GFPT2: variants seen among roughly 807,000 people sequenced by gnomAD.
The protein encoded by GFPT2 is glutamine--fructose-6-phosphate aminotransferase [isomerizing] 2.
Under a neutral mutation model 85.6 loss-of-function variants are expected in GFPT2, and 62 were observed. That is an observed-to-expected ratio of 0.72 (90% CI 0.59 to 0.90). The LOEUF (loss-of-function observed/expected upper bound fraction) is 0.90. Ranked by LOEUF, GFPT2 falls within the 40% of genes least tolerant of loss-of-function variation. GFPT2 has a pLI of 0.00. For missense variants in GFPT2, 788 were observed against 893.4 expected (o/e 0.88, Z 1.50); for synonymous variants, 368 against 344.5 (o/e 1.07, Z -0.75).
Position 180,313,806 on chromosome 5 carries a change from C to T in GFPT2, c.1431+1G>A, listed in dbSNP as rs1763947676. 3.2e-6 allele frequency: 5 copies of T among 1,550,908 alleles called. No homozygotes were observed. The South Asian group carries it at 5.9e-5, about 18-fold the overall frequency. On this transcript the variant is annotated splice_donor_variant, in intron 14 of 18. Coordinates refer to ENST00000253778, the MANE Select transcript of GFPT2 (RefSeq NM_005110.4). LOFTEE classifies it high-confidence loss of function. Reference sequence around the variant, plus strand: ...GGACGGGCGCCCGTGGCTCCTCCTACCTTGGTGCTGGCCACGCCGATCTCC... The same window carrying T: ...GGACGGGCGCCCGTGGCTCCTCCTATCTTGGTGCTGGCCACGCCGATCTCC...
In GFPT2 at chr5:180,336,101, C is replaced by A. The variant is rs562950982; in HGVS notation, c.215-148G>T. ...TCCCACCCTGGGAGTCCGCGCAGGC[C>A]CACAAACCACCCGTGCTGAAGGTTA... On this transcript the variant is annotated intron_variant, in intron 3 of 18. Transcript: ENST00000253778. 55 of 651,592 alleles carry A rather than the reference C, an allele frequency of 8.4e-5. No individual in the cohort carries two copies. The East Asian group carries it at 1.5e-3, about 18-fold the overall frequency. 40.4% of individuals were successfully genotyped at this position (651,592 alleles called of 1,614,324 possible).
At chr5:180,312,243 G>T (rs992188648) in intron 15 of GFPT2, among the ~76,000 whole-genome samples, 187 bp downstream of exon 15, 2 of 150,268 alleles carry the variant, frequency 1.3e-5, no homozygotes, top group Non-Finnish European at 3.0e-5. Context: ...GGCAGCGCAG[G>T]GGGAGGTGGG....
At chr5:180,309,336 C>CTGT (rs1457722249) in intron 15 of GFPT2, among the ~76,000 whole-genome samples, 3 of 152,212 alleles carry the variant, frequency 2.0e-5, no homozygotes, top group Admixed American at 6.5e-5. Flanking sequence ...GAGAAAATGT[C>CTGT]TAACAAACAC....
In GFPT2 at chr5:180,316,870, C is replaced by T; in HGVS notation, c.1055-9G>A. 1 of 1,608,142 alleles carries T rather than the reference C, an allele frequency of 6.2e-7. No homozygotes were observed. The highest frequency in any genetic ancestry group is 2.2e-5 in the East Asian group (1 of 44,836). On this transcript the variant is annotated splice_polypyrimidine_tract_variant and intron_variant, in intron 11 of 18. Coordinates refer to ENST00000253778, the MANE Select transcript of GFPT2 (RefSeq NM_005110.4). ...CAAGCCACCCAGGAGCACTGCAGGG[C>T]ACACGACAAGGCGTTAATGCTGAGT...
intron 14 of GFPT2, among the ~76,000 whole-genome samples, chr5:180,313,245 G>A (rs928264422): frequency 6.6e-6 from 1 of 152,088 alleles, no homozygotes; most frequent in African/African-American, 2.4e-5. Flanking sequence ...AAGAGCCACA[G>A]GACAACATGG....
At chr5:180,313,574 AGT>A (rs1190842825) in intron 14 of GFPT2, among the ~76,000 whole-genome samples, 1 of 151,830 alleles carries the variant, frequency 6.6e-6, no homozygotes, top group African/African-American at 2.4e-5. Flanking sequence ...TGGGCGACAG[AGT>A]GAGACTCCGT....
chr5:180,310,105 C>T (rs867377112), intron 15 of GFPT2, among the ~76,000 whole-genome samples: 1 of 150,200 alleles, frequency 6.7e-6, no homozygotes, highest in Non-Finnish European at 1.5e-5. Context: ...CCACCGTGCC[C>T]AGCCTTTTCT....
chr5:180,323,548 CTGTG>C lies in GFPT2; in HGVS notation c.794+636_794+639del, dbSNP rs1164029291. Among the ~76,000 whole-genome samples the C allele has an allele frequency of 1.3e-5, 2 of 151,532 alleles. No homozygotes were observed. Among genetic ancestry groups the C allele is most frequent in the Non-Finnish European group, 2.9e-5 (2 of 67,870 alleles). ...GTTCTCTCTCTCCCTCTCTCTCTCT[CTGTG>C]TGTGTGTGAGTGTGTGTATAACTTT... On this transcript the variant is annotated intron_variant, in intron 9 of 18. Transcript: ENST00000253778. The surrounding 1 kb of genome is among the most constrained non-coding windows in gnomAD (Gnocchi z 4.0).
Position 180,329,993 on chromosome 5 carries a change from C to T in GFPT2, c.534+707G>A, listed in dbSNP as rs143912463. Among the ~76,000 whole-genome samples the T allele has an allele frequency of 8.9e-3, 1,349 of 152,302 alleles. 13 individuals carry two copies. The highest frequency in any genetic ancestry group is 0.039 in the South Asian group (186 of 4,822). ...CCTCTCTCCCTCTTTTGGGCCATTCCGTTCCACATACAGACATGCTGTGAT... is the reference window on the plus strand; with the variant it reads ...CCTCTCTCCCTCTTTTGGGCCATTCTGTTCCACATACAGACATGCTGTGAT... On this transcript the variant is annotated intron_variant, in intron 6 of 18. Transcript: ENST00000253778.
intron 2 of GFPT2, among the ~76,000 whole-genome samples, chr5:180,336,853 C>T (rs1764411591): frequency 6.6e-6 from 1 of 152,270 alleles, no homozygotes; most frequent in Admixed American, 6.5e-5. Context: ...TTCCCCGCTG[C>T]AGGCGCTCCC....
chr5:180,346,489 G>A (rs562415835), intron 1 of GFPT2, among the ~76,000 whole-genome samples: 7 of 152,268 alleles, frequency 4.6e-5, no homozygotes, highest in Non-Finnish European at 8.8e-5. Context: ...GGGCCTCGGT[G>A]ACCACGGCAA....
chr5:180,317,860 G>A (rs979707742), intron 10 of GFPT2, among the ~76,000 whole-genome samples: 3 of 152,072 alleles, frequency 2.0e-5, no homozygotes, highest in African/African-American at 7.2e-5. Context: ...GCTGCAGGGT[G>A]TTCAAGCCCC....
intron 1 of GFPT2, among the ~76,000 whole-genome samples, chr5:180,350,178 G>A (rs1396212802): frequency 6.6e-6 from 1 of 152,164 alleles, no homozygotes; most frequent in African/African-American, 2.4e-5. Flanking sequence ...GAGGGAGGCA[G>A]CTGGGAAGGA....
intron 1 of GFPT2, among the ~76,000 whole-genome samples, chr5:180,343,585 T>C (rs140320555): frequency 6.6e-6 from 1 of 152,402 alleles, no homozygotes; most frequent in Non-Finnish European, 1.5e-5. Context: ...GCTCTGTTTC[T>C]TTGCTTTTGC....
chr5:180,308,750 T>A (rs931440899), intron 15 of GFPT2, among the ~76,000 whole-genome samples: 1 of 152,238 alleles, frequency 6.6e-6, no homozygotes, highest in African/African-American at 2.4e-5. Context: ...TACAAGTGCA[T>A]AACTCTGTGA....
At position 180,353,255 on chromosome 5, in the gene GFPT2, G is replaced by T; in HGVS notation, c.-38C>A. On this transcript the variant is annotated 5_prime_UTR_variant, in exon 1 of 19. Transcript: ENST00000253778. ...TCGGGCTCCTTCGCGGCTCGAGGGG[G>T]TCTGCCCGTTCGGACGCTGGGGCTC... is the stretch of plus-strand genomic sequence containing the variant. The T allele has an allele frequency of 4.0e-6, 5 of 1,240,728 alleles. No individual in the cohort carries two copies. Among genetic ancestry groups the T allele is most frequent in the Non-Finnish European group, 2.0e-6 (2 of 988,104 alleles). 76.9% of individuals were successfully genotyped at this position (1,240,728 alleles called of 1,614,324 possible). A position where few individuals can be genotyped will look rare whatever the true frequency, so the allele number is the denominator to read the frequency against.
chr5:180,308,116 C>T (rs1264923211), intron 15 of GFPT2, among the ~76,000 whole-genome samples: 1 of 152,048 alleles, frequency 6.6e-6, no homozygotes, highest in South Asian at 2.1e-4. Flanking sequence ...ATTAGCCGGG[C>T]ATGGTGGCGG....
intron 16 of GFPT2, among the ~76,000 whole-genome samples, chr5:180,305,680 C>T (rs62404923): frequency 0.18 from 27,933 of 152,126 alleles, 3,003 homozygotes; most frequent in Non-Finnish European, 0.25. Context: ...CAGACTCATG[C>T]GGAGGCATAG....
At chr5:180,315,932 A>C (rs900033936) in intron 13 of GFPT2, among the ~76,000 whole-genome samples, 1 of 152,366 alleles carries the variant, frequency 6.6e-6, no homozygotes, top group African/African-American at 2.4e-5. Flanking sequence ...ACTTGGGCAC[A>C]GAGCCCATAC....
Sources: allele counts gnomAD v4.1 joint callset (sites outside exome capture counted in the v4.1 genomes callset), GRCh38; gene constraint gnomAD v4.1.1; non-coding constraint Gnocchi (gnomAD v3.1); transcripts MANE v1.5; gene names NCBI Gene and HGNC (gene_info 2026-07-23, HGNC 2026-07-21).